IFT22: variants seen among roughly 807,000 people sequenced by gnomAD.
IFT22 encodes intraflagellar transport 22.
In IFT22, 13 loss-of-function variants were observed where a neutral mutation model predicts 21.0. The observed-to-expected ratio is 0.62, with a 90% CI of 0.40 to 0.98. The LOEUF (loss-of-function observed/expected upper bound fraction) is 0.98. Among genes scored for constraint, IFT22 ranks in the 50% least tolerant of loss-of-function variants. The pLI, the probability that IFT22 is intolerant of heterozygous loss-of-function variation, is 0.00. For missense variants in IFT22, 227 were observed against 228.9 expected, an observed-to-expected ratio of 0.99 and a Z score of 0.06; for synonymous variants, 67 against 82.4, an observed-to-expected ratio of 0.81 and a Z score of 1.01.
chr7:101,317,658 C>T lies in IFT22; in HGVS notation c.206+466G>A, dbSNP rs141730198. Among the ~76,000 whole-genome samples the T allele has an allele frequency of 5.9e-5, 9 of 152,192 alleles. No homozygotes were observed. The East Asian group carries it at 7.7e-4, about 13-fold the overall frequency. The stretch of plus-strand genomic sequence containing the variant: ...CAAATCATTTATCAAGCTCCTCATA[C>T]GTGCCAGGAAACATACTAGGCCCAA... On this transcript the variant is annotated intron_variant, in intron 3 of 4. Coordinates refer to ENST00000315322, the MANE Select transcript of IFT22 (RefSeq NM_022777.4).
chr7:101,316,108 C>G, intron 4 of IFT22: 1 of 480,572 alleles, frequency 2.1e-6, no homozygotes. Flanking sequence ...AAGCAATTCT[C>G]CTGCCTTAGC....
rs10273309 is a variant in IFT22, at chr7:101,311,641, A to T, written c.*3493T>A. ...CCCACTCTCAGCTGAAAAGAGCTACATCTACCATTTCATCTACTTAGTGTA... is the reference window on the plus strand; with the variant it reads ...CCCACTCTCAGCTGAAAAGAGCTACTTCTACCATTTCATCTACTTAGTGTA... On this transcript the variant is annotated 3_prime_UTR_variant, in exon 5 of 5. Coordinates refer to ENST00000315322, the MANE Select transcript of IFT22 (RefSeq NM_022777.4). Among the ~76,000 whole-genome samples the T allele has an allele frequency of 0.073, 11,180 of 152,294 alleles. 749 individuals carry two copies. Among genetic ancestry groups the T allele is most frequent in the Admixed American group, 0.24 (3,703 of 15,270 alleles).
Position 101,321,754 on chromosome 7 carries a change from C to T in IFT22, c.-45G>A, listed in dbSNP as rs368901886. 4 of 1,549,004 alleles carry T rather than the reference C, an allele frequency of 2.6e-6. No individual in the cohort carries two copies. The highest frequency in any genetic ancestry group is 2.7e-5 in the African/African-American group (2 of 73,090). On this transcript the variant is annotated 5_prime_UTR_variant, in exon 1 of 5. Transcript: ENST00000315322. ...GCCGGCCGGAGCCCACGGGAGGCGG[C>T]GCGTCAGGACGGAGCTCTACTTGGC... is the stretch of plus-strand genomic sequence containing the variant.
intron 1 of IFT22, 57 bp downstream of exon 1, chr7:101,321,614 C>T: frequency 2.0e-6 from 3 of 1,533,878 alleles, no homozygotes; most frequent in African/African-American, 1.4e-5. Context: ...GACCTGCGCT[C>T]GCCCAGGCCC....
chr7:101,318,260 C>A, intron 2 of IFT22, 47 bp from the exon 3 acceptor site: 1 of 1,487,968 alleles, frequency 6.7e-7, no homozygotes. Context: ...TGGCTCACGC[C>A]TGTAATCTCA....
intron 1 of IFT22, among the ~76,000 whole-genome samples, chr7:101,321,012 G>A (rs1193764740): frequency 1.3e-5 from 2 of 152,168 alleles, no homozygotes; most frequent in Non-Finnish European, 2.9e-5. Context: ...GGGTAATGGC[G>A]TGGGCCTGTA....
rs386410832 is a variant in IFT22 at position 101,312,533 on chromosome 7, G to GTTTTTTTTTTTTTTTTT, written c.*2584_*2600dup. The stretch of plus-strand genomic sequence containing the variant: ...TAAATATAATGTTTTGGAGAGAGTT[G>GTTTTTTTTTTTTTTTTT]TTTTTTTTTTTTTTTTTTTTGTGAC... On this transcript the variant is annotated 3_prime_UTR_variant, in exon 5 of 5. Transcript: ENST00000315322. Among the ~76,000 whole-genome samples the GTTTTTTTTTTTTTTTTT allele has an allele frequency of 8.7e-6, 1 of 114,606 alleles. No homozygotes were observed. Among genetic ancestry groups the GTTTTTTTTTTTTTTTTT allele is most frequent in the Admixed American group, 1.1e-4 (1 of 9,224 alleles). 75.2% of individuals were successfully genotyped at this position (114,606 alleles called of 152,430 possible).
Position 101,310,936 on chromosome 7 carries a change from A to G in IFT22, c.*4198T>C. Reference sequence around the variant, plus strand: ...ATCTGAAGGCTTTTACTCAATTCAAATATTTAATGGGTTGTACTCTGGCCA... The same window carrying G: ...ATCTGAAGGCTTTTACTCAATTCAAGTATTTAATGGGTTGTACTCTGGCCA... On this transcript the variant is annotated 3_prime_UTR_variant, in exon 5 of 5. Transcript: ENST00000315322. 7.8e-6 allele frequency: 3 copies of G among 385,694 alleles called. No homozygotes were observed. The highest frequency in any genetic ancestry group is 1.9e-5 in the South Asian group (1 of 52,842). 23.9% of individuals were successfully genotyped at this position (385,694 alleles called of 1,614,324 possible).
chr7:101,321,129 C>A (rs893618258), intron 1 of IFT22, among the ~76,000 whole-genome samples: 2 of 151,942 alleles, frequency 1.3e-5, no homozygotes, highest in African/African-American at 4.8e-5. Flanking sequence ...GGTGACAGGG[C>A]GAGACTCTGT....
intron 1 of IFT22, chr7:101,321,392 AC>A: frequency 2.1e-6 from 1 of 477,996 alleles, no homozygotes; most frequent in East Asian, 3.7e-5. Flanking sequence ...GAGTCACGAA[AC>A]CTAGGCTATG....
In IFT22 at chr7:101,310,922, T is replaced by G. The variant is rs921255305; in HGVS notation, c.*4212A>C. 5 of 396,136 alleles carry G rather than the reference T, an allele frequency of 1.3e-5. No homozygotes were observed. Among genetic ancestry groups the G allele is most frequent in the Admixed American group, 6.4e-5 (2 of 31,030 alleles). 24.5% of individuals were successfully genotyped at this position (396,136 alleles called of 1,614,324 possible). A position where few individuals can be genotyped will look rare whatever the true frequency, so the allele number is the denominator to read the frequency against. ...TCTCAAAACTTAAAATCTGAAGGCT[T>G]TTACTCAATTCAAATATTTAATGGG... On this transcript the variant is annotated 3_prime_UTR_variant, in exon 5 of 5. Transcript: ENST00000315322.
At position 101,313,293 on chromosome 7, in the gene IFT22, C is replaced by T. The variant is rs1462117443; in HGVS notation, c.*1841G>A. 5 of 152,168 alleles carry T rather than the reference C, an allele frequency of 3.3e-5. No individual in the cohort carries two copies. The highest frequency in any genetic ancestry group is 5.9e-5 in the Non-Finnish European group (4 of 68,066). The allele number at this position is 152,168 out of a possible 1,614,324, so 9.4% of individuals were successfully genotyped here. A position where few individuals can be genotyped will look rare whatever the true frequency, so the allele number is the denominator to read the frequency against. ...TCCTGGCTTCCATCAGTTCTCCCAT[C>T]TTAGCCTCCCAAAGTGTTGGGATTA... On this transcript the variant is annotated 3_prime_UTR_variant, in exon 5 of 5. Transcript: ENST00000315322.
intron 2 of IFT22, 195 bp downstream of exon 2, chr7:101,318,761 C>G: frequency 1.9e-6 from 1 of 535,844 alleles, no homozygotes; most frequent in Non-Finnish European, 3.4e-6. Context: ...TTCAACCTAA[C>G]ATGTAGCTGA....
Position 101,312,073 on chromosome 7 carries a change from C to T in IFT22, c.*3061G>A. On this transcript the variant is annotated 3_prime_UTR_variant, in exon 5 of 5. Coordinates refer to ENST00000315322, the MANE Select transcript of IFT22 (RefSeq NM_022777.4). ...GATTCTGTACATTAAATCTTTTGAA[C>T]ATGTTTACCAATTTGGTGTTATGAA... is the stretch of plus-strand genomic sequence containing the variant. Among the ~76,000 whole-genome samples, 1 of 151,850 alleles carries T rather than the reference C, an allele frequency of 6.6e-6. No homozygotes were observed. Among genetic ancestry groups the T allele is most frequent in the Admixed American group, 6.6e-5 (1 of 15,202 alleles).
In IFT22 at chr7:101,311,237, C is replaced by T. The variant is rs936874765; in HGVS notation, c.*3897G>A. Reference sequence around the variant, plus strand: ...CGATCTCTTAACCTCGTAATCCACCCGCCTCGGCCTCCCAAAGTGCTGGGA... The same window carrying T: ...CGATCTCTTAACCTCGTAATCCACCTGCCTCGGCCTCCCAAAGTGCTGGGA... On this transcript the variant is annotated 3_prime_UTR_variant, in exon 5 of 5. Coordinates refer to ENST00000315322, the MANE Select transcript of IFT22 (RefSeq NM_022777.4). Among the ~76,000 whole-genome samples, 7 of 152,054 alleles carry T rather than the reference C, an allele frequency of 4.6e-5. No homozygotes were observed. Among genetic ancestry groups the T allele is most frequent in the South Asian group, 2.1e-4 (1 of 4,820 alleles).
At position 101,314,414 on chromosome 7, in the gene IFT22, C is replaced by T. The variant is rs567602174; in HGVS notation, c.*720G>A. ...TCATGATCCGCCCACCTTGGCCTCC[C>T]AAAGTGCTGGGATTACAAGTGTGAG... is the stretch of plus-strand genomic sequence containing the variant. On this transcript the variant is annotated 3_prime_UTR_variant, in exon 5 of 5. Transcript: ENST00000315322. 6.6e-6 allele frequency: 1 copy of T among 152,278 alleles called. No individual in the cohort carries two copies. Among genetic ancestry groups the T allele is most frequent in the South Asian group, 2.1e-4 (1 of 4,830 alleles). The allele number at this position is 152,278 out of a possible 1,614,324, so 9.4% of individuals were successfully genotyped here. A position where few individuals can be genotyped will look rare whatever the true frequency, so the allele number is the denominator to read the frequency against.
chr7:101,316,371 G>A lies in IFT22; in HGVS notation c.378C>T (p.Gly126=). Residue 126 remains glycine (G), a synonymous_variant, in exon 4 of 5, where the codon GGC becomes GGT. Coordinates refer to ENST00000315322, the MANE Select transcript of IFT22 (RefSeq NM_022777.4). ...QCMLIAHHKP[G]SGDDKGSLSL... Reference sequence around the variant, plus strand: ...ACAGGCTTCCTTTATCATCTCCAGAGCCTGGTTTGTGGTGTGCAATTAGCA... The same window carrying A: ...ACAGGCTTCCTTTATCATCTCCAGAACCTGGTTTGTGGTGTGCAATTAGCA... 3 of 1,614,140 alleles carry A rather than the reference G, an allele frequency of 1.9e-6. No individual in the cohort carries two copies. The highest frequency in any genetic ancestry group is 1.1e-5 in the South Asian group (1 of 91,078).
rs1024466610 is a variant in IFT22, at chr7:101,313,726, G to C, written c.*1408C>G. 6.6e-6 allele frequency: 1 copy of C among 152,184 alleles called. No individual in the cohort carries two copies. The highest frequency in any genetic ancestry group is 1.5e-5 in the Non-Finnish European group (1 of 68,042). 9.4% of individuals were successfully genotyped at this position (152,184 alleles called of 1,614,324 possible). On this transcript the variant is annotated 3_prime_UTR_variant, in exon 5 of 5. Coordinates refer to ENST00000315322, the MANE Select transcript of IFT22 (RefSeq NM_022777.4). ...GTTACAAACATATTTTAGTGAGTAG[G>C]CAAATTCTCAAATACAAAATCTATG...
chr7:101,312,389 C>T lies in IFT22; in HGVS notation c.*2745G>A, dbSNP rs889934135. Among the ~76,000 whole-genome samples, 4 of 152,004 alleles carry T rather than the reference C, an allele frequency of 2.6e-5. No individual in the cohort carries two copies. Among genetic ancestry groups the T allele is most frequent in the Non-Finnish European group, 5.9e-5 (4 of 68,004 alleles). ...AGGCTGCTGTGAGCTGTGGTCATGC[C>T]ACTGCACTCCAGCCGGGATGACAGA... is the stretch of plus-strand genomic sequence containing the variant. On this transcript the variant is annotated 3_prime_UTR_variant, in exon 5 of 5. Coordinates refer to ENST00000315322, the MANE Select transcript of IFT22 (RefSeq NM_022777.4).
Sources: allele counts gnomAD v4.1 joint callset (sites outside exome capture counted in the v4.1 genomes callset), GRCh38; gene constraint gnomAD v4.1.1; transcripts MANE v1.5; gene names NCBI Gene and HGNC (gene_info 2026-07-23, HGNC 2026-07-21).